The following APBA2 variants were observed in gnomAD, a reference collection of about 807,000 sequenced individuals.
APBA2 encodes the protein amyloid-beta A4 precursor protein-binding family A member 2.
Under a neutral mutation model 75.0 loss-of-function variants are expected in APBA2, and 30 were observed. The observed-to-expected ratio is 0.40, with a 90% CI of 0.30 to 0.54. The LOEUF (loss-of-function observed/expected upper bound fraction) is 0.54, where lower values mean the gene tolerates loss of function less well. Ranked by LOEUF, APBA2 falls within the 20% of genes least tolerant of loss-of-function variation. The pLI is 0.49. For missense variants in APBA2, 801 were observed against 1,016.1 expected (o/e 0.79, Z 2.88); for synonymous variants, 444 against 409.6 (o/e 1.08, Z -1.01).
At chr15:28,912,895 C>A (rs2033496910) in intron 1 of APBA2, among the ~76,000 whole-genome samples, 1 of 152,228 alleles carries the variant, frequency 6.6e-6, no homozygotes, top group Non-Finnish European at 1.5e-5. Context: ...TAAAGACATC[C>A]ATTGATCCAT....
chr15:29,028,836 C>T (rs1408064308), intron 3 of APBA2, among the ~76,000 whole-genome samples: 3 of 152,058 alleles, frequency 2.0e-5, no homozygotes, highest in Non-Finnish European at 4.4e-5. Flanking sequence ...ATGTTCTTTG[C>T]CTGCTTTTTA....
chr15:29,097,868 C>T (rs981321001), intron 8 of APBA2, among the ~76,000 whole-genome samples: 1 of 152,256 alleles, frequency 6.6e-6, no homozygotes, highest in African/African-American at 2.4e-5. Context: ...TCTGTGAGAT[C>T]GACATTTGTA....
At chr15:29,016,189 G>A (rs551880174) in intron 3 of APBA2, among the ~76,000 whole-genome samples, 2 of 152,226 alleles carry the variant, frequency 1.3e-5, no homozygotes, top group South Asian at 4.1e-4. Flanking sequence ...CCAGGGAGTC[G>A]AAGGTTGCAG....
chr15:29,049,356 G>A (rs2041489887), intron 3 of APBA2, among the ~76,000 whole-genome samples: 1 of 152,156 alleles, frequency 6.6e-6, no homozygotes, highest in Non-Finnish European at 1.5e-5. Context: ...AAATATTTCA[G>A]TGTCAAAAAT....
chr15:29,062,270 C>G lies in APBA2; in HGVS notation c.951+7435C>G, dbSNP rs555192607. ...CTGCTCTGCATACGGGGAGGCTGCA[C>G]GGGAGGGTTCTTGGGGTGCTCCTGT... is the stretch of plus-strand genomic sequence containing the variant. On this transcript the variant is annotated intron_variant, in intron 4 of 14. Coordinates refer to ENST00000683413, the MANE Select transcript of APBA2 (RefSeq NM_001353788.2). 3.9e-5 allele frequency among the ~76,000 whole-genome samples: 6 copies of G among 152,256 alleles called. No individual in the cohort carries two copies. The South Asian group carries it at 1.2e-3, about 32-fold the overall frequency.
chr15:29,070,098 A>G (rs926504851), intron 4 of APBA2, among the ~76,000 whole-genome samples: 16 of 152,192 alleles, frequency 1.1e-4, no homozygotes, highest in African/African-American at 3.6e-4. Flanking sequence ...TAGGGTACCC[A>G]GTTACATTCG....
In APBA2 at chr15:29,117,401, C is replaced by CAA. The variant is rs1487816032; in HGVS notation, c.*269_*270dup. 1.8e-6 allele frequency: 1 copy of CAA among 543,008 alleles called. No individual in the cohort carries two copies. The highest frequency in any genetic ancestry group is 3.3e-6 in the Non-Finnish European group (1 of 301,224). The allele number at this position is 543,008 out of a possible 1,614,324, so 33.6% of individuals were successfully genotyped here. On this transcript the variant is annotated 3_prime_UTR_variant, in exon 15 of 15. Transcript: ENST00000683413. ...CGTTCTGGACTGTCTTCTCCCTGCA[C>CAA]AAGCCAGGGTGTGTCTCGGTAGCTG...
intron 4 of APBA2, among the ~76,000 whole-genome samples, chr15:29,072,529 A>G (rs1048438575): frequency 6.6e-6 from 1 of 152,070 alleles, no homozygotes; most frequent in African/African-American, 2.4e-5. Context: ...TGAGGGGAAG[A>G]AACCTTGCAG....
At chr15:29,100,886 C>T (rs2044086933) in intron 9 of APBA2, among the ~76,000 whole-genome samples, 1 of 152,182 alleles carries the variant, frequency 6.6e-6, no homozygotes, top group African/African-American at 2.4e-5. Context: ...ATCACGCCTC[C>T]CTGGGTTCTG....
chr15:29,002,471 G>A (rs1208509009), intron 3 of APBA2, among the ~76,000 whole-genome samples: 1 of 151,922 alleles, frequency 6.6e-6, no homozygotes, highest in Non-Finnish European at 1.5e-5. Flanking sequence ...CTGGATGGTG[G>A]GAGGACTCCT....
intron 2 of APBA2, among the ~76,000 whole-genome samples, chr15:28,992,320 C>T (rs140124231): frequency 6.6e-6 from 1 of 152,292 alleles, no homozygotes; most frequent in East Asian, 1.9e-4. Context: ...CAAAGGTAAT[C>T]AGGAAATGTA....
rs528837261 is a variant in APBA2 at position 28,898,453 on chromosome 15, G to A, written c.-205+12175G>A. 9.8e-5 allele frequency among the ~76,000 whole-genome samples: 15 copies of A among 152,298 alleles called. No homozygotes were observed. In the East Asian group the frequency reaches 2.7e-3, roughly 27 times the overall value. On this transcript the variant is annotated intron_variant, in intron 1 of 14. Transcript: ENST00000683413. ...CAGCTGTGTGGATGGGGCTTGCCAC[G>A]TAACGTTGAGCAAAAAACCCCAGAT... is the stretch of plus-strand genomic sequence containing the variant.
Position 28,918,608 on chromosome 15 carries a change from G to A in APBA2, c.-204-3032G>A, listed in dbSNP as rs1245903455. Among the ~76,000 whole-genome samples, 1 of 149,238 alleles carries A rather than the reference G, an allele frequency of 6.7e-6. No individual in the cohort carries two copies. On this transcript the variant is annotated intron_variant, in intron 1 of 14. Transcript: ENST00000683413. This position sits in a 1 kb window ranked among gnomAD's most constrained non-coding sequence, Gnocchi z 4.2. ...TGTATTTTAAAGGAGTGCCTGATGC[G>A]TGTGGGTGTGGTGGGGTTGGGGGTG...
intron 2 of APBA2, among the ~76,000 whole-genome samples, chr15:28,958,768 T>C (rs73368718): frequency 0.025 from 3,754 of 152,238 alleles, 154 homozygotes; most frequent in East Asian, 0.17. Context: ...GTGGACCTCA[T>C]TATACTTCCA....
intron 2 of APBA2, among the ~76,000 whole-genome samples, chr15:28,938,668 C>T (rs965453436): frequency 6.6e-6 from 1 of 152,118 alleles, no homozygotes; most frequent in Admixed American, 6.6e-5. Flanking sequence ...GCCACCTCGC[C>T]TGGCTAATTT....
intron 4 of APBA2, among the ~76,000 whole-genome samples, chr15:29,055,399 A>G (rs563194070): frequency 2.7e-4 from 41 of 152,346 alleles, no homozygotes; most frequent in Admixed American, 2.7e-3. Flanking sequence ...TGAAGGTTTG[A>G]CAAAACCTCG....
chr15:28,904,567 A>G (rs1156854114), intron 1 of APBA2, among the ~76,000 whole-genome samples: 2 of 152,190 alleles, frequency 1.3e-5, no homozygotes, highest in Admixed American at 6.5e-5. Context: ...TGACAGTGAG[A>G]GTGAGGGGTT....
intron 2 of APBA2, among the ~76,000 whole-genome samples, chr15:28,943,428 A>G (rs1329288695): frequency 2.0e-5 from 3 of 152,214 alleles, no homozygotes; most frequent in Admixed American, 6.5e-5. Flanking sequence ...TGTGCCCTGC[A>G]TCTGCGACTT....
At chr15:28,931,711 C>T (rs559208314) in intron 2 of APBA2, among the ~76,000 whole-genome samples, 1 of 152,198 alleles carries the variant, frequency 6.6e-6, no homozygotes, top group East Asian at 1.9e-4. Context: ...TTGGCAGTAC[C>T]TAAGGGTTAA....
Sources: gnomAD v4.1 joint callset for allele counts (sites outside exome capture counted in the v4.1 genomes callset) on GRCh38, gnomAD v4.1.1 for gene constraint, Gnocchi (gnomAD v3.1) non-coding constraint, MANE v1.5 for transcripts, NCBI Gene and HGNC (gene_info 2026-07-23, HGNC 2026-07-21) for gene names.